The following SEMA6D variants were observed in gnomAD, a reference collection of about 807,000 sequenced individuals.
SEMA6D encodes the protein semaphorin 6D, also known as semaphorin-6D.
In SEMA6D, 35 loss-of-function variants were observed where a neutral mutation model predicts 106.6. That is an observed-to-expected ratio of 0.33 (90% CI 0.25 to 0.44). The LOEUF is 0.44. Ranked by LOEUF, SEMA6D falls within the 20% of genes least tolerant of loss-of-function variation. The pLI is 1.00. For missense variants in SEMA6D, 1,185 were observed against 1,345.9 expected (o/e 0.88, Z 1.87); for synonymous variants, 499 against 487.7 (o/e 1.02, Z -0.31).
chr15:47,529,175 C>G (rs981940986), intron 3 of SEMA6D, among the ~76,000 whole-genome samples: 2 of 151,916 alleles, frequency 1.3e-5, no homozygotes, highest in African/African-American at 4.8e-5. Context: ...GTTTACTATT[C>G]ATTAAGTGGA....
intron 1 of SEMA6D, among the ~76,000 whole-genome samples, chr15:47,382,173 A>G (rs969276796): frequency 2.0e-5 from 3 of 152,320 alleles, no homozygotes; most frequent in Admixed American, 1.3e-4. Flanking sequence ...TAAACTATCT[A>G]TCTTGCAAAT....
At chr15:47,579,433 C>T (rs1294359800) in intron 3 of SEMA6D, among the ~76,000 whole-genome samples, 3 of 152,122 alleles carry the variant, frequency 2.0e-5, no homozygotes, top group East Asian at 1.9e-4. Context: ...TGAGCCACCA[C>T]GCCCAGCCAG....
chr15:47,574,976 G>A lies in SEMA6D; in HGVS notation c.-86-25889G>A, dbSNP rs528213884. ...CCTGGCTCAAATTGTAAAAATCAAA[G>A]GATTGTCAGCTTTTTGACACAAAAA... On this transcript the variant is annotated intron_variant, in intron 3 of 19. Coordinates refer to the SEMA6D transcript ENST00000558014. 3.2e-4 allele frequency among the ~76,000 whole-genome samples: 48 copies of A among 152,232 alleles called. 1 individual carries two copies. The highest frequency in any genetic ancestry group is 1.0e-3 in the South Asian group (5 of 4,830).
At chr15:47,211,818 G>T (rs1201522749) in intron 1 of SEMA6D, among the ~76,000 whole-genome samples, 1 of 152,120 alleles carries the variant, frequency 6.6e-6, no homozygotes, top group African/African-American at 2.4e-5. Flanking sequence ...CAAGGATTGG[G>T]TTAGATGGTA....
At chr15:47,545,925 C>G (rs981443407) in intron 3 of SEMA6D, among the ~76,000 whole-genome samples, 6 of 152,022 alleles carry the variant, frequency 3.9e-5, no homozygotes, top group African/African-American at 1.2e-4. Context: ...ATGAAAGGCC[C>G]TCTCTAGACA....
intron 4 of SEMA6D, among the ~76,000 whole-genome samples, chr15:47,641,238 C>T (rs1241054785): frequency 9.8e-6 from 1 of 102,426 alleles, no homozygotes; most frequent in East Asian, 2.7e-4. Context: ...ACAAGAACCA[C>T]GTCTAGAAAT....
intron 1 of SEMA6D, among the ~76,000 whole-genome samples, chr15:47,348,725 CACAGAGAGAG>C (rs1229507040): frequency 6.3e-5 from 3 of 47,698 alleles, no homozygotes; most frequent in African/African-American, 1.4e-4. Flanking sequence ...ACACCACACA[CACAGAGAGAG>C]AGAGAGAGAG....
chr15:47,770,545 T>C lies in SEMA6D; in HGVS notation c.1982T>C (p.Met661Thr). ...QSGESNQMVH[M>T]NVLITCVFAA... ...GGAGAGTCCAACCAGATGGTCCACA[T>C]GAATGTCCTCATCACCTGTGTCTTT... The change falls in exon 19 of 19, where the codon ATG (methionine) becomes ACG (threonine). Residue 661 changes from methionine (M) to threonine (T), a missense_variant. Physicochemically the swap from Met to Thr is moderately conservative, Grantham distance 81. This residue lies in a region of SEMA6D where 750 missense variants were observed against 783.5 expected (regional missense o/e 0.96). Coordinates refer to ENST00000536845, the MANE Select transcript of SEMA6D (RefSeq NM_001358351.3). 1 of 1,612,648 alleles carries C rather than the reference T, an allele frequency of 6.2e-7. No homozygotes were observed. The highest frequency in any genetic ancestry group is 8.5e-7 in the Non-Finnish European group (1 of 1,178,898).
At chr15:47,563,213 G>T (rs1280053653) in intron 3 of SEMA6D, among the ~76,000 whole-genome samples, 1 of 152,104 alleles carries the variant, frequency 6.6e-6, no homozygotes, top group Non-Finnish European at 1.5e-5. Flanking sequence ...ATGGGCTCAA[G>T]GAAATTTTAT....
At position 47,773,202 on chromosome 15, in the gene SEMA6D, A is replaced by G. The variant is rs2082706422; in HGVS notation, c.*1417A>G. ...CACCTAAAAAGACTCTTTTCAAAAA[A>G]TCACAGAAACAACCTAGGACAATTA... On this transcript the variant is annotated 3_prime_UTR_variant, in exon 19 of 19. Transcript: ENST00000536845. The G allele has an allele frequency of 6.6e-6, 1 of 152,660 alleles. No homozygotes were observed. Among genetic ancestry groups the G allele is most frequent in the Admixed American group, 6.5e-5 (1 of 15,284 alleles). The allele number at this position is 152,660 out of a possible 1,614,324, so 9.5% of individuals were successfully genotyped here. A position where few individuals can be genotyped will look rare whatever the true frequency, so the allele number is the denominator to read the frequency against.
intron 1 of SEMA6D, chr15:47,272,570 A>C (rs1164993553): frequency 2.0e-5 from 3 of 152,322 alleles, no homozygotes; most frequent in African/African-American, 7.2e-5. Context: ...GATTATTTAC[A>C]TAGATGCAAC....
intron 3 of SEMA6D, among the ~76,000 whole-genome samples, chr15:47,478,846 G>A (rs1329707285): frequency 6.6e-6 from 1 of 152,140 alleles, no homozygotes; most frequent in Non-Finnish European, 1.5e-5. Flanking sequence ...AGTCCTTATA[G>A]TCATGACAGA....
intron 1 of SEMA6D, among the ~76,000 whole-genome samples, chr15:47,278,918 A>G (rs1007859899): frequency 1.4e-5 from 2 of 146,588 alleles, no homozygotes; most frequent in East Asian, 2.0e-4. Context: ...GAGATCAGAT[A>G]GTTGTAGATA....
rs1173005344 is a variant in SEMA6D, at chr15:47,761,445, A to G, written c.447+14A>G. 2 of 1,574,456 alleles carry G rather than the reference A, an allele frequency of 1.3e-6. No individual in the cohort carries two copies. The highest frequency in any genetic ancestry group is 1.4e-5 in the African/African-American group (1 of 73,618). On this transcript the variant is annotated intron_variant, in intron 6 of 18. Transcript: ENST00000536845. Reference sequence around the variant, plus strand: ...AGATACTACAGGGTAAGTATATTTTATGTGATATGCTTCTTTTGATCAACT... The same window carrying G: ...AGATACTACAGGGTAAGTATATTTTGTGTGATATGCTTCTTTTGATCAACT...
At chr15:47,214,891 G>A (rs1352513705) in intron 1 of SEMA6D, among the ~76,000 whole-genome samples, 1 of 152,026 alleles carries the variant, frequency 6.6e-6, no homozygotes, top group African/African-American at 2.4e-5. Flanking sequence ...TCTTACTGTT[G>A]GAGAAGAGTG....
chr15:47,498,642 T>A (rs1018993960), intron 3 of SEMA6D, among the ~76,000 whole-genome samples: 4 of 152,096 alleles, frequency 2.6e-5, no homozygotes, highest in African/African-American at 9.7e-5. Context: ...TTCACCAAAT[T>A]TGAAGGATAT....
At chr15:47,721,928 G>T (rs2079445208) in intron 1 of SEMA6D, among the ~76,000 whole-genome samples, 1 of 151,972 alleles carries the variant, frequency 6.6e-6, no homozygotes, top group African/African-American at 2.4e-5. Flanking sequence ...TCACCATTTG[G>T]AGCTACATGG....
In SEMA6D at chr15:47,766,649, C is replaced by G. The variant is rs1404057677; in HGVS notation, c.1680C>G (p.Gly560=). ...GATATGAACAAGACACAGAATTCGG[C>G]AACACAGCTCATCTAGGGGACTGCC... The part of the protein sequence containing the change: ...AEGYEQDTEF[G]NTAHLGDCHE... Residue 560 remains glycine, a synonymous_variant, in exon 16 of 19, where the codon GGC becomes GGG. Coordinates refer to ENST00000536845, the MANE Select transcript of SEMA6D (RefSeq NM_001358351.3). 6 of 1,612,248 alleles carry G rather than the reference C, an allele frequency of 3.7e-6. No homozygotes were observed. The highest frequency in any genetic ancestry group is 5.1e-6 in the Non-Finnish European group (6 of 1,178,666).
chr15:47,396,023 A>C (rs2040201986), intron 1 of SEMA6D, among the ~76,000 whole-genome samples: 1 of 152,144 alleles, frequency 6.6e-6, no homozygotes, highest in African/African-American at 2.4e-5. Flanking sequence ...TCATGGTTTT[A>C]TAAGAAGAGG....
Sources: allele counts gnomAD v4.1 joint callset (sites outside exome capture counted in the v4.1 genomes callset), GRCh38; gene constraint gnomAD v4.1.1; regional missense constraint gnomAD v4.1.1; transcripts MANE v1.5; gene names NCBI Gene and HGNC (gene_info 2026-07-23, HGNC 2026-07-21).